The following ANK1 variants were observed in gnomAD, a reference collection of about 807,000 sequenced individuals.
The protein encoded by ANK1 is ankyrin 1, also known as ankyrin-1.
A neutral mutation model predicts 210.4 loss-of-function variants in ANK1; 51 were observed. The observed-to-expected ratio is 0.24, with a 90% CI of 0.19 to 0.31. The LOEUF is 0.31. ANK1 is among the 10% of genes least tolerant of loss of function. ANK1 has a pLI of 1.00. For missense variants in ANK1, 2,051 were observed against 2,504.4 expected (o/e 0.82, Z 3.86); for synonymous variants, 967 against 1,025.9 (o/e 0.94, Z 1.10).
intron 1 of ANK1, among the ~76,000 whole-genome samples, chr8:41,787,343 T>C (rs7823138): frequency 0.78 from 118,596 of 152,180 alleles, 47,173 homozygotes; most frequent in African/African-American, 0.88. Context: ...CCCCTACCTA[T>C]GGCTTCTGTG....
chr8:41,784,917 G>A (rs1262946374), intron 1 of ANK1, among the ~76,000 whole-genome samples: 1 of 152,222 alleles, frequency 6.6e-6, no homozygotes, highest in African/African-American at 2.4e-5. Context: ...CAAAAGATGG[G>A]CCTTCCCCAG....
chr8:41,763,516 C>A (rs1452472456), intron 1 of ANK1, among the ~76,000 whole-genome samples: 2 of 152,146 alleles, frequency 1.3e-5, no homozygotes, highest in Non-Finnish European at 2.9e-5. Flanking sequence ...TCCAGGGGTA[C>A]CCCACTGAAG....
At position 41,724,632 on chromosome 8, in the gene ANK1, A is replaced by G; in HGVS notation, c.613-78T>C. The G allele has an allele frequency of 4.4e-6, 6 of 1,363,458 alleles. No homozygotes were observed. The South Asian group carries it at 6.2e-5, about 14-fold the overall frequency. 84.5% of individuals were successfully genotyped at this position (1,363,458 alleles called of 1,614,324 possible). On this transcript the variant is annotated intron_variant, in intron 6 of 42. Transcript: ENST00000289734. ...CAGAATCAGCCCTGGGATGCAGGAA[A>G]CTCAGGTGGGGCAACAGGACTTTAC...
chr8:41,835,174 C>G (rs1807416866), intron 1 of ANK1, among the ~76,000 whole-genome samples: 1 of 152,212 alleles, frequency 6.6e-6, no homozygotes, highest in East Asian at 1.9e-4. Flanking sequence ...CAGGTGTAAG[C>G]GGGGTAGGTG....
At chr8:41,831,403 T>G (rs1806581229) in intron 1 of ANK1, among the ~76,000 whole-genome samples, 1 of 152,196 alleles carries the variant, frequency 6.6e-6, no homozygotes, top group African/African-American at 2.4e-5. Context: ...ATCCCAGCAC[T>G]TTGGGAGGCC....
At chr8:41,656,842 G>C (rs1805886960) in intron 42 of ANK1, among the ~76,000 whole-genome samples, 1 of 152,152 alleles carries the variant, frequency 6.6e-6, no homozygotes, top group Admixed American at 6.5e-5. Flanking sequence ...GGGATGGGAG[G>C]GTGGTGCCAG....
chr8:41,742,679 G>T (rs1473957585), intron 2 of ANK1, among the ~76,000 whole-genome samples: 1 of 152,178 alleles, frequency 6.6e-6, no homozygotes, highest in Non-Finnish European at 1.5e-5. Flanking sequence ...CAGAGGCAAG[G>T]GAGCACTGGC....
intron 1 of ANK1, among the ~76,000 whole-genome samples, chr8:41,803,072 G>GA (rs1554631016): frequency 1.1e-4 from 4 of 35,588 alleles, no homozygotes; most frequent in African/African-American, 6.7e-4. Context: ...AGGAAGGAAG[G>GA]AAGGAAGGAA....
At chr8:41,753,299 C>G (rs1266043104) in intron 2 of ANK1, among the ~76,000 whole-genome samples, 1 of 152,078 alleles carries the variant, frequency 6.6e-6, no homozygotes, top group African/African-American at 2.4e-5. Flanking sequence ...CACTTGACCT[C>G]AGGTGATCTG....
chr8:41,797,391 G>A lies in ANK1; in HGVS notation c.27+121C>T, dbSNP rs1391913176. On this transcript the variant is annotated intron_variant, in intron 1 of 42. Transcript: ENST00000289734. The surrounding 1 kb of genome is among the most constrained non-coding windows in gnomAD (Gnocchi z 4.0). ...CGCTATGCTAAGGCAGGGAGCCCACGGGGAGGCGAGGCGGGTGGGGTGTGC... is the reference window on the plus strand; with the variant it reads ...CGCTATGCTAAGGCAGGGAGCCCACAGGGAGGCGAGGCGGGTGGGGTGTGC... 4.6e-6 allele frequency: 4 copies of A among 868,796 alleles called. No homozygotes were observed. The highest frequency in any genetic ancestry group is 5.6e-6 in the Non-Finnish European group (3 of 533,988). The allele number at this position is 868,796 out of a possible 1,614,324, so 53.8% of individuals were successfully genotyped here. A position where few individuals can be genotyped will look rare whatever the true frequency, so the allele number is the denominator to read the frequency against.
chr8:41,876,124 G>GAGCTC (rs1374176840), intron 1 of ANK1, among the ~76,000 whole-genome samples: 7 of 152,104 alleles, frequency 4.6e-5, no homozygotes, highest in Admixed American at 1.3e-4. Flanking sequence ...CCTTGTCCTA[G>GAGCTC]AGCTCGGAGC....
chr8:41,873,930 C>A (rs1299880162), intron 1 of ANK1, among the ~76,000 whole-genome samples: 1 of 152,178 alleles, frequency 6.6e-6, no homozygotes, highest in Non-Finnish European at 1.5e-5. Context: ...ACAGACCCAG[C>A]CAAGCTCAAA....
At chr8:41,877,547 C>T (rs550041033) in intron 1 of ANK1, among the ~76,000 whole-genome samples, 3 of 152,236 alleles carry the variant, frequency 2.0e-5, no homozygotes, top group Admixed American at 1.3e-4. Flanking sequence ...AGCACTCCTC[C>T]AGATTTTGGA....
Position 41,672,885 on chromosome 8 carries a change from A to G in ANK1, c.4565T>C (p.Leu1522Pro). The G allele has an allele frequency of 6.2e-7, 1 of 1,604,640 alleles. No homozygotes were observed. The highest frequency in any genetic ancestry group is 8.5e-7 in the Non-Finnish European group (1 of 1,179,918). ...TGCACAGCCCAGGGAGGCAGGGGACAGCAGCTCGTCCTGCAGTGAGGAGTA... is the reference window on the plus strand; with the variant it reads ...TGCACAGCCCAGGGAGGCAGGGGACGGCAGCTCGTCCTGCAGTGAGGAGTA... ...NGYSSLQDEL[L>P]SPASLGCALS... The change falls in exon 38 of 43, where the codon CTG becomes CCG. Residue 1522 changes from leucine to proline, a missense_variant. Leu to Pro is a moderately conservative substitution (Grantham distance 98). Around this residue, in one of 6 missense-constraint regions of ANK1, gnomAD observed 496 missense variants for 533.4 expected, o/e 0.93. Coordinates refer to ENST00000289734, the MANE Select transcript of ANK1 (RefSeq NM_000037.4).
chr8:41,844,837 G>A (rs1363661826), intron 1 of ANK1, among the ~76,000 whole-genome samples: 3 of 152,138 alleles, frequency 2.0e-5, no homozygotes, highest in Admixed American at 2.0e-4. Flanking sequence ...GAAGTTAGAA[G>A]GGGGTGAGTG....
At position 41,663,551 on chromosome 8, in the gene ANK1, T is replaced by C. The variant is rs990101737; in HGVS notation, c.5478+108A>G. On this transcript the variant is annotated intron_variant, in intron 40 of 42. Transcript: ENST00000289734. ...AGCACGGGGGCAGCCAGCCTGGCTG[T>C]GCTCACCTGCTGTGAGGGCAGCAGG... The C allele has an allele frequency of 9.8e-6, 11 of 1,126,026 alleles. No individual in the cohort carries two copies. The African/African-American group carries it at 1.5e-4, about 16-fold the overall frequency. 69.8% of individuals were successfully genotyped at this position (1,126,026 alleles called of 1,614,324 possible).
chr8:41,716,841 G>C (rs992748486), intron 13 of ANK1, 112 bp downstream of exon 13: 2 of 1,100,988 alleles, frequency 1.8e-6, no homozygotes, highest in African/African-American at 3.1e-5. Flanking sequence ...AGGATGAAAA[G>C]TGATCCCCAG....
chr8:41,896,208 G>T (rs1820496382), intron 1 of ANK1: 2 of 1,181,208 alleles, frequency 1.7e-6, no homozygotes, highest in Non-Finnish European at 2.2e-6. Context: ...CCTCCTCTAC[G>T]CCCACCGAGC....
At chr8:41,697,624 T>A (rs569602998) in intron 24 of ANK1, 3 of 342,264 alleles carry the variant, frequency 8.8e-6, no homozygotes, top group African/African-American at 6.4e-5. Flanking sequence ...CTCTTTCTGG[T>A]TGGGCCCCGG....
Sources: allele counts gnomAD v4.1 joint callset (sites outside exome capture counted in the v4.1 genomes callset), GRCh38; gene constraint gnomAD v4.1.1; regional missense constraint gnomAD v4.1.1; non-coding constraint Gnocchi (gnomAD v3.1); transcripts MANE v1.5; gene names NCBI Gene and HGNC (gene_info 2026-07-23, HGNC 2026-07-21).